The following FBXO42 variants were observed in gnomAD, a reference collection of about 807,000 sequenced individuals.
FBXO42 encodes F-box only protein 42.
In FBXO42, 12 loss-of-function variants were observed where a neutral mutation model predicts 71.7. That is an observed-to-expected ratio of 0.17 (90% CI 0.11 to 0.27). FBXO42 has a LOEUF of 0.27. Ranked by LOEUF, FBXO42 falls within the 10% of genes least tolerant of loss-of-function variation. The probability of loss-of-function intolerance (pLI) is 1.00; values close to 1 mark genes in which losing one functional copy is unlikely to be tolerated. For missense variants in FBXO42, 707 were observed against 911.9 expected (o/e 0.78, Z 2.89); for synonymous variants, 325 against 327.5 (o/e 0.99, Z 0.08).
At position 16,315,297 on chromosome 1, in the gene FBXO42, G is replaced by C; in HGVS notation, c.122C>G (p.Thr41Ser). 1 of 1,614,084 alleles carries C rather than the reference G, an allele frequency of 6.2e-7. No individual in the cohort carries two copies. The change falls in exon 2 of 10, where the codon ACT becomes AGT. Residue 41 changes from threonine (T) to serine (S), a missense_variant. Thr to Ser is a moderately conservative substitution (Grantham distance 58, BLOSUM62 1). Transcript: ENST00000375592. ...EPHPVLEAEE[T>S]RHNRSMSELP... Reference sequence around the variant, plus strand: ...CTCCGACATGGACCTATTATGTCTAGTCTCCTCAGCCTCCAATACTGGGTG... The same window carrying C: ...CTCCGACATGGACCTATTATGTCTACTCTCCTCAGCCTCCAATACTGGGTG...
chr1:16,253,821 C>A, intron 6 of FBXO42, 90 bp from the exon 7 acceptor site: 2 of 1,174,472 alleles, frequency 1.7e-6, no homozygotes, highest in South Asian at 2.6e-5. Flanking sequence ...TGTGGCCCAT[C>A]TGGCAAACTT....
At chr1:16,326,137 C>A (rs2082448668) in intron 1 of FBXO42, among the ~76,000 whole-genome samples, 1 of 150,862 alleles carries the variant, frequency 6.6e-6, no homozygotes, top group Non-Finnish European at 1.5e-5. Context: ...CTCACTGCAA[C>A]CTCCACCTCC....
chr1:16,336,303 G>A (rs114992158), intron 1 of FBXO42, among the ~76,000 whole-genome samples: 1 of 151,534 alleles, frequency 6.6e-6, no homozygotes. Context: ...CCAAATGATC[G>A]TAATATTCTC....
rs386366300 is a variant in FBXO42 at position 16,283,494 on chromosome 1, G to GTTTTTTTTT, written c.502+11280_502+11288dup. 9.9e-4 allele frequency among the ~76,000 whole-genome samples: 80 copies of GTTTTTTTTT among 80,988 alleles called. 11 individuals carry two copies. Among genetic ancestry groups the GTTTTTTTTT allele is most frequent in the Middle Eastern group, 0.019 (2 of 108 alleles). 53.1% of individuals were successfully genotyped at this position (80,988 alleles called of 152,430 possible). ...TTATAGACTCTTCTAACTGTGGCAA[G>GTTTTTTTTT]TTTTTTTTTTTTTTTTTTTTTTTGA... On this transcript the variant is annotated intron_variant, in intron 4 of 9. Coordinates refer to ENST00000375592, the MANE Select transcript of FBXO42 (RefSeq NM_018994.3).
intron 1 of FBXO42, among the ~76,000 whole-genome samples, chr1:16,331,330 G>A (rs1040922386): frequency 2.6e-5 from 4 of 151,542 alleles, no homozygotes; most frequent in Admixed American, 6.6e-5. Context: ...GGAGAATGGC[G>A]TGAACCCGGG....
rs2081597005 is a variant in FBXO42, at chr1:16,252,003, CAG to C, written c.1039-220_1039-219del. On this transcript the variant is annotated intron_variant, in intron 9 of 9. Coordinates refer to ENST00000375592, the MANE Select transcript of FBXO42 (RefSeq NM_018994.3). This position sits in a 1 kb window ranked among gnomAD's most constrained non-coding sequence, Gnocchi z 4.4. ...TATGCTATCATTAGAGATATGTATA[CAG>C]AAGGGGTGGGGAGAAGGGAACAATC... 6.6e-6 allele frequency among the ~76,000 whole-genome samples: 1 copy of C among 152,034 alleles called. No homozygotes were observed. The highest frequency in any genetic ancestry group is 2.1e-4 in the South Asian group (1 of 4,816).
intron 1 of FBXO42, among the ~76,000 whole-genome samples, chr1:16,317,366 A>G (rs983845322): frequency 6.6e-6 from 1 of 152,020 alleles, no homozygotes; most frequent in Non-Finnish European, 1.5e-5. Flanking sequence ...TGCAGTGAGC[A>G]GAGATCACTC....
chr1:16,334,988 A>T (rs1413131607), intron 1 of FBXO42, among the ~76,000 whole-genome samples: 1 of 142,010 alleles, frequency 7.0e-6, no homozygotes, highest in Non-Finnish European at 1.5e-5. Flanking sequence ...GCACTGTGGG[A>T]AGCCAAGGTG....
At chr1:16,300,348 T>C (rs971985370) in intron 3 of FBXO42, among the ~76,000 whole-genome samples, 8 of 152,188 alleles carry the variant, frequency 5.3e-5, no homozygotes, top group Admixed American at 2.0e-4. Flanking sequence ...ATAGTCACAA[T>C]TTAATTACAC....
intron 4 of FBXO42, among the ~76,000 whole-genome samples, chr1:16,280,157 A>G (rs2081948781): frequency 1.3e-5 from 2 of 151,982 alleles, no homozygotes; most frequent in East Asian, 3.9e-4. Context: ...AACAATATGT[A>G]CTCTTGATCT....
At chr1:16,323,274 T>C (rs1247411131) in intron 1 of FBXO42, among the ~76,000 whole-genome samples, 15 of 151,298 alleles carry the variant, frequency 9.9e-5, no homozygotes, top group Non-Finnish European at 2.9e-5. Context: ...AAAAATTAGC[T>C]GGGCGTGGTG....
At chr1:16,280,455 T>C (rs1469246531) in intron 4 of FBXO42, among the ~76,000 whole-genome samples, 2 of 152,212 alleles carry the variant, frequency 1.3e-5, no homozygotes, top group African/African-American at 4.8e-5. Flanking sequence ...GAATAGTGTA[T>C]GCATTTTAGT....
At chr1:16,348,328 T>TAC (rs200141706) in intron 1 of FBXO42, among the ~76,000 whole-genome samples, 2,950 of 152,172 alleles carry the variant, frequency 0.019, 80 homozygotes, top group African/African-American at 0.068. Context: ...AGCACTAAGG[T>TAC]AAATAACTTG....
At chr1:16,269,201 C>CCT (rs1477333821) in intron 4 of FBXO42, among the ~76,000 whole-genome samples, 1 of 150,224 alleles carries the variant, frequency 6.7e-6, no homozygotes, top group African/African-American at 2.5e-5. Context: ...GATTCTCCTG[C>CCT]CTCAGCCTCC....
At chr1:16,300,168 A>G (rs1163681069) in intron 3 of FBXO42, among the ~76,000 whole-genome samples, 1 of 152,196 alleles carries the variant, frequency 6.6e-6, no homozygotes, top group African/African-American at 2.4e-5. Context: ...CTTTCAGAAC[A>G]TCTAGACCAC....
chr1:16,345,240 G>A (rs750051864), intron 1 of FBXO42, among the ~76,000 whole-genome samples: 3 of 150,820 alleles, frequency 2.0e-5, no homozygotes, highest in East Asian at 2.0e-4. Flanking sequence ...TGGCCAACAT[G>A]GTGATACCCC....
intron 4 of FBXO42, among the ~76,000 whole-genome samples, chr1:16,270,667 T>A (rs1435143011): frequency 2.4e-5 from 2 of 84,504 alleles, no homozygotes; most frequent in Non-Finnish European, 4.3e-5. Flanking sequence ...AGAGAGACTC[T>A]GTCTCTCAAA....
chr1:16,281,585 C>T (rs1160177086), intron 4 of FBXO42, among the ~76,000 whole-genome samples: 1 of 151,280 alleles, frequency 6.6e-6, no homozygotes, highest in Non-Finnish European at 1.5e-5. Flanking sequence ...TCTTGTGCCT[C>T]GGACTCTTGA....
At chr1:16,289,311 G>A (rs1189804836) in intron 4 of FBXO42, among the ~76,000 whole-genome samples, 2 of 151,984 alleles carry the variant, frequency 1.3e-5, no homozygotes, top group Non-Finnish European at 2.9e-5. Context: ...GGCCGAGGTG[G>A]GAGGATCACT....
Sources: allele counts gnomAD v4.1 joint callset (sites outside exome capture counted in the v4.1 genomes callset), GRCh38; gene constraint gnomAD v4.1.1; non-coding constraint Gnocchi (gnomAD v3.1); transcripts MANE v1.5; gene names NCBI Gene and HGNC (gene_info 2026-07-23, HGNC 2026-07-21).